The following RGN variants were observed in gnomAD, a reference collection of about 807,000 sequenced individuals.
RGN encodes epididymis secretory protein Li 41.
In RGN, 19 loss-of-function variants were observed where a neutral mutation model predicts 20.6. That is an observed-to-expected ratio of 0.92 (90% CI 0.64 to 1.35). RGN has a LOEUF of 1.35. Ranked by LOEUF, RGN falls within the 40% of genes most tolerant of loss-of-function variation. The pLI is 0.00. For missense variants in RGN, 302 were observed against 232.7 expected (o/e 1.30, Z -1.94); for synonymous variants, 85 against 87.2 (o/e 0.97, Z 0.14).
chrX:47,089,687 A>G (rs1195447074), intron 4 of RGN, 89 bp from the exon 5 acceptor site: 62 of 593,746 alleles, frequency 1.0e-4, no homozygotes, highest in Non-Finnish European at 2.8e-5. Flanking sequence ...TGATTTAATC[A>G]CTGGAAAGGA....
intron 4 of RGN, among the ~76,000 whole-genome samples, chrX:47,087,238 C>T (rs1178690337): frequency 9.0e-6 from 1 of 111,595 alleles, no homozygotes; most frequent in African/African-American, 3.3e-5. Flanking sequence ...ACTGCCGCCT[C>T]ACATTGTTGG....
intron 4 of RGN, among the ~76,000 whole-genome samples, chrX:47,088,964 A>AT (rs1930744015): frequency 1.1e-5 from 1 of 93,675 alleles, no homozygotes; most frequent in Admixed American, 1.2e-4. Flanking sequence ...GAAGAAGAAG[A>AT]AGATAGAAGA....
chrX:47,087,478 CTTCTT>C (rs1441185672), intron 4 of RGN: 1 of 111,800 alleles, frequency 8.9e-6, no homozygotes, highest in Non-Finnish European at 1.9e-5. Context: ...ATTTTCTCTC[CTTCTT>C]TTAAGTAGAA....
chrX:47,088,137 G>A (rs1020504514), intron 4 of RGN, among the ~76,000 whole-genome samples: 3 of 106,146 alleles, frequency 2.8e-5, no homozygotes, highest in Admixed American at 1.1e-4. Context: ...GCAGGTGCTC[G>A]GAGGTGCCCC....
intron 4 of RGN, chrX:47,087,481 C>T (rs1930647318): frequency 8.9e-6 from 1 of 111,888 alleles, no homozygotes; most frequent in African/African-American, 3.2e-5. Context: ...TTCTCTCCTT[C>T]TTTTAAGTAG....
rs782503509 is a variant in RGN at position 47,092,940 on chromosome X, C to G, written c.893C>G (p.Ala298Gly). The G allele has an allele frequency of 5.0e-6, 6 of 1,201,300 alleles. No individual in the cohort carries two copies. The highest frequency in any genetic ancestry group is 6.8e-6 in the Non-Finnish European group (6 of 886,948). ...AAAGGAATTGCTCCCTACTCCTATG[C>G]GGGATGAGGACAGGTCTTCTTTCCT... ...GVKGIAPYSYAG is the reference protein window; with the variant it reads ...GVKGIAPYSYGG Residue 298 changes from alanine (A) to glycine (G), a missense_variant, in exon 8 of 8, where the codon GCG (alanine) becomes GGG (glycine). Coordinates refer to ENST00000397180, the MANE Select transcript of RGN (RefSeq NM_152869.4).
intron 5 of RGN, 99 bp from the exon 6 acceptor site, chrX:47,091,579 T>C (rs1931013849): frequency 2.1e-6 from 2 of 952,994 alleles, no homozygotes; most frequent in Non-Finnish European, 2.9e-6. Context: ...AAGTGATCTG[T>C]ATTTATAACC....
At chrX:47,085,357 A>G (rs1930540303) in intron 4 of RGN, among the ~76,000 whole-genome samples, 2 of 110,448 alleles carry the variant, frequency 1.8e-5, no homozygotes, top group African/African-American at 6.6e-5. Flanking sequence ...CGTCTCTACT[A>G]AAAATACAAA....
intron 3 of RGN, among the ~76,000 whole-genome samples, chrX:47,081,931 C>A (rs782602786): frequency 8.9e-6 from 1 of 111,952 alleles, no homozygotes; most frequent in Non-Finnish European, 1.9e-5. Flanking sequence ...AGTTAAAGAC[C>A]CAGTTATCTG....
Position 47,080,388 on chromosome X carries a change from C to G in RGN, c.-564C>G, listed in dbSNP as rs1556380779. ...CCTAAAGTCCCAGCATAGACTGTTCCTCTCCTGTGGAGTCTAACACTCTTT... is the reference window on the plus strand; with the variant it reads ...CCTAAAGTCCCAGCATAGACTGTTCGTCTCCTGTGGAGTCTAACACTCTTT... On this transcript the variant is annotated 5_prime_UTR_variant, in exon 2 of 8. Coordinates refer to ENST00000397180, the MANE Select transcript of RGN (RefSeq NM_152869.4). The G allele has an allele frequency of 8.9e-6, 1 of 111,870 alleles. No homozygotes were observed. Among genetic ancestry groups the G allele is most frequent in the African/African-American group, 3.3e-5 (1 of 30,748 alleles). 9.2% of individuals were successfully genotyped at this position (111,870 alleles called of 1,213,427 possible). A position where few individuals can be genotyped will look rare whatever the true frequency, so the allele number is the denominator to read the frequency against.
At chrX:47,079,421 G>GT (rs1173772931) in intron 1 of RGN, among the ~76,000 whole-genome samples, 11 of 101,329 alleles carry the variant, frequency 1.1e-4, no homozygotes, top group Admixed American at 7.6e-4. Context: ...GTTTTGTTTT[G>GT]TTTTTTTGTT....
chrX:47,090,617 C>T (rs986552208), intron 5 of RGN, among the ~76,000 whole-genome samples: 2 of 109,534 alleles, frequency 1.8e-5, no homozygotes, highest in Non-Finnish European at 3.8e-5. Flanking sequence ...ATGAAAGGTG[C>T]CAAACCTTTT....
chrX:47,079,982 C>G (rs1602438691), intron 1 of RGN, among the ~76,000 whole-genome samples: 1 of 111,118 alleles, frequency 9.0e-6, no homozygotes, highest in Admixed American at 9.6e-5. Flanking sequence ...CTCCTGAACT[C>G]AAATGATCCT....
At chrX:47,090,314 CA>C (rs1296172153) in intron 5 of RGN, among the ~76,000 whole-genome samples, 15 of 111,095 alleles carry the variant, frequency 1.4e-4, no homozygotes, top group African/African-American at 4.9e-4. Flanking sequence ...AGGTTCACTG[CA>C]AAAGAGATCC....
At chrX:47,085,020 A>G (rs1361260991) in intron 4 of RGN, 2 of 117,562 alleles carry the variant, frequency 1.7e-5, no homozygotes, top group African/African-American at 3.2e-5. Flanking sequence ...GTTATTTATA[A>G]TGAATCTTGG....
At chrX:47,079,344 GT>G (rs1930177823) in intron 1 of RGN, among the ~76,000 whole-genome samples, 1 of 43,622 alleles carries the variant, frequency 2.3e-5, no homozygotes, top group Middle Eastern at 0.01. Context: ...TTGGGCTGAG[GT>G]TTTTTTGTTT....
At position 47,091,751 on chromosome X, in the gene RGN, G is replaced by C. The variant is rs782532266; in HGVS notation, c.636G>C (p.Gly212=). The C allele has an allele frequency of 2.9e-5, 35 of 1,208,673 alleles. No homozygotes were observed. The highest frequency in any genetic ancestry group is 3.7e-5 in the Non-Finnish European group (33 of 894,254). ...IPDGMCIDAE[G]KLWVACYNGG... ...ATGGAATGTGTATTGATGCTGAGGGGAAGCTCTGGGTGGCCTGTTACAATG... is the reference window on the plus strand; with the variant it reads ...ATGGAATGTGTATTGATGCTGAGGGCAAGCTCTGGGTGGCCTGTTACAATG... Residue 212 remains glycine, a synonymous_variant, in exon 6 of 8, where the codon GGG becomes GGC. Coordinates refer to ENST00000397180, the MANE Select transcript of RGN (RefSeq NM_152869.4).
rs150203186 is a variant in RGN, at chrX:47,081,141, G to A, written c.-4G>A. 1,053 of 1,202,340 alleles carry A rather than the reference G, an allele frequency of 8.8e-4. 6 individuals carry two copies. The African/African-American group carries it at 0.017, about 19-fold the overall frequency. ...GTTACCTTCAATAGATCTCCCCTGC[G>A]ACCATGTCTTCCATTAAGATTGAGT... is the stretch of plus-strand genomic sequence containing the variant. On this transcript the variant is annotated 5_prime_UTR_variant, in exon 3 of 8. Transcript: ENST00000397180.
chrX:47,090,062 C>T, intron 5 of RGN, 71 bp downstream of exon 5: 1 of 736,514 alleles, frequency 1.4e-6, no homozygotes, highest in Non-Finnish European at 2.0e-6. Context: ...AGTAAGGCGC[C>T]TCTCCCTCGC....
Sources: allele counts gnomAD v4.1 joint callset (sites outside exome capture counted in the v4.1 genomes callset), GRCh38; gene constraint gnomAD v4.1.1; transcripts MANE v1.5; gene names NCBI Gene and HGNC (gene_info 2026-07-23, HGNC 2026-07-21).